Variants in ADI1 observed in about 807,000 individuals in gnomAD.
ADI1 encodes acireductone dioxygenase 1.
A neutral mutation model predicts 18.7 loss-of-function variants in ADI1; 21 were observed. The ratio of observed to expected loss-of-function variants is 1.13; its 90% CI spans 0.80 to 1.62. ADI1 has a LOEUF of 1.62. Among genes scored for constraint, ADI1 ranks in the 40% most tolerant of loss-of-function variants. ADI1 has a pLI of 0.00. For missense variants in ADI1, 245 were observed against 254.9 expected, an observed-to-expected ratio of 0.96 and a Z score of 0.26; for synonymous variants, 90 against 100.1, an observed-to-expected ratio of 0.90 and a Z score of 0.60.
rs1667184255 is a variant in ADI1 at position 3,506,729 on chromosome 2, A to C, written c.241-5736T>G. On this transcript the variant is annotated intron_variant, in intron 2 of 3. Transcript: ENST00000327435. Reference sequence around the variant, plus strand: ...TTATCTGGAGAGGCACAAGACCCAGAATACCCAACACAATATTGAAGAAGA... The same window carrying C: ...TTATCTGGAGAGGCACAAGACCCAGCATACCCAACACAATATTGAAGAAGA... 2.0e-5 allele frequency among the ~76,000 whole-genome samples: 3 copies of C among 152,256 alleles called. No homozygotes were observed. The South Asian group carries it at 6.2e-4, about 32-fold the overall frequency.
At chr2:3,514,877 G>A (rs1460779966) in intron 1 of ADI1, 1 of 1,544,966 alleles carries the variant, frequency 6.5e-7, no homozygotes, top group Admixed American at 2.0e-5. Flanking sequence ...AGCCATGGCA[G>A]AGGAACATAA....
chr2:3,512,900 G>A (rs1352155358), intron 2 of ADI1, among the ~76,000 whole-genome samples: 1 of 152,236 alleles, frequency 6.6e-6, no homozygotes, highest in Admixed American at 6.5e-5. Flanking sequence ...CATCCCATGA[G>A]AGCAACCTCA....
In ADI1 at chr2:3,500,660, G is replaced by A. The variant is rs143207900; in HGVS notation, c.420+154C>T. The A allele has an allele frequency of 1.4e-3, 1,419 of 1,003,352 alleles. 14 individuals are homozygous for A. In the African/African-American group the frequency reaches 0.018, roughly 13 times the overall value. The allele number at this position is 1,003,352 out of a possible 1,614,324, so 62.2% of individuals were successfully genotyped here. A position where few individuals can be genotyped will look rare whatever the true frequency, so the allele number is the denominator to read the frequency against. On this transcript the variant is annotated intron_variant, in intron 3 of 3. Coordinates refer to ENST00000327435, the MANE Select transcript of ADI1 (RefSeq NM_018269.4). ...AGCTGTCACCTCGGACATCGCCTGC[G>A]GCTCCACAGACTCTCCTTGAAGCAC...
intron 2 of ADI1, among the ~76,000 whole-genome samples, chr2:3,502,054 T>C (rs1667035379): frequency 6.9e-6 from 1 of 145,482 alleles, no homozygotes; most frequent in Non-Finnish European, 1.5e-5. Context: ...GAGACAGGGT[T>C]TCACTCTGTT....
In ADI1 at chr2:3,498,891, G is replaced by C. The variant is rs1325769705; in HGVS notation, c.*72C>G. On this transcript the variant is annotated 3_prime_UTR_variant, in exon 4 of 4. Transcript: ENST00000327435. Reference sequence around the variant, plus strand: ...GCTATCCTCTAAAAGCAAAGAGAAAGTGATTGATTTTCTGCTCAGTCATTA... The same window carrying C: ...GCTATCCTCTAAAAGCAAAGAGAAACTGATTGATTTTCTGCTCAGTCATTA... 3.3e-6 allele frequency: 5 copies of C among 1,527,504 alleles called. No individual in the cohort carries two copies. The East Asian group carries it at 1.2e-4, about 35-fold the overall frequency. The allele number at this position is 1,527,504 out of a possible 1,614,324, so 94.6% of individuals were successfully genotyped here. A position where few individuals can be genotyped will look rare whatever the true frequency, so the allele number is the denominator to read the frequency against.
chr2:3,516,635 T>TA lies in ADI1; in HGVS notation c.121-2660dup, dbSNP rs542438657. ...CCTTAATCTTGGACTTCTTAGCCTC[T>TA]AGAACTATAAGAATTCTATAAATTG... is the stretch of plus-strand genomic sequence containing the variant. On this transcript the variant is annotated intron_variant, in intron 1 of 3. Transcript: ENST00000327435. The TA allele has an allele frequency of 2.3e-4, 182 of 784,912 alleles. 1 individual carries two copies. In the African/African-American group the frequency reaches 3.0e-3, roughly 13 times the overall value. The allele number at this position is 784,912 out of a possible 1,614,324, so 48.6% of individuals were successfully genotyped here.
chr2:3,509,118 C>A (rs1322432056), intron 2 of ADI1, among the ~76,000 whole-genome samples: 2 of 152,100 alleles, frequency 1.3e-5, no homozygotes, highest in Non-Finnish European at 2.9e-5. Flanking sequence ...ATGGGTCAAT[C>A]TTCCAAGGGA....
chr2:3,514,072 A>G, intron 1 of ADI1, 96 bp from the exon 2 acceptor site: 1 of 1,404,986 alleles, frequency 7.1e-7, no homozygotes, highest in Non-Finnish European at 9.5e-7. Flanking sequence ...TTATACTCCA[A>G]ATTTATCATT....
At chr2:3,504,303 A>G (rs1240941921) in intron 2 of ADI1, among the ~76,000 whole-genome samples, 1 of 152,262 alleles carries the variant, frequency 6.6e-6, no homozygotes, top group Non-Finnish European at 1.5e-5. Context: ...TAGAAAAACA[A>G]AGAATAAGCC....
In ADI1 at chr2:3,500,585, C is replaced by T. The variant is rs115172755; in HGVS notation, c.420+229G>A. On this transcript the variant is annotated intron_variant, in intron 3 of 3. Transcript: ENST00000327435. ...CCCCGCCTGGGTATGAAATGCACAC[C>T]TGTCCACCAGGATCGCAGGCAGGGG... 2,332 of 626,124 alleles carry T rather than the reference C, an allele frequency of 3.7e-3. 39 individuals carry two copies. The African/African-American group carries it at 0.039, about 10-fold the overall frequency. The allele number at this position is 626,124 out of a possible 1,614,324, so 38.8% of individuals were successfully genotyped here. A position where few individuals can be genotyped will look rare whatever the true frequency, so the allele number is the denominator to read the frequency against.
chr2:3,506,834 A>G (rs935802521), intron 2 of ADI1, among the ~76,000 whole-genome samples: 11 of 152,250 alleles, frequency 7.2e-5, no homozygotes, highest in African/African-American at 2.4e-4. Context: ...CACTGGTGAA[A>G]TAGTAGAAAA....
chr2:3,519,094 G>A (rs973157256), intron 1 of ADI1, among the ~76,000 whole-genome samples: 2 of 149,966 alleles, frequency 1.3e-5, no homozygotes, highest in South Asian at 4.2e-4. Context: ...ACAGGCGCTG[G>A]GGGCTGACCG....
chr2:3,504,938 CTGTG>C (rs571138395), intron 2 of ADI1, among the ~76,000 whole-genome samples: 7 of 151,810 alleles, frequency 4.6e-5, no homozygotes, highest in Admixed American at 4.6e-4. Context: ...GTCAGTTCAC[CTGTG>C]TATGTTTGTA....
intron 2 of ADI1, among the ~76,000 whole-genome samples, chr2:3,507,173 A>G (rs935854382): frequency 2.0e-5 from 3 of 152,244 alleles, no homozygotes; most frequent in South Asian, 2.1e-4. Flanking sequence ...GGGGGAGAAC[A>G]AAATAGCCCT....
intron 2 of ADI1, 102 bp downstream of exon 2, chr2:3,513,755 T>C: frequency 8.0e-7 from 1 of 1,246,274 alleles, no homozygotes; most frequent in Non-Finnish European, 1.1e-6. Context: ...AAAGCAAGAA[T>C]GGCCTCATAC....
chr2:3,514,015 A>G, intron 1 of ADI1, 39 bp from the exon 2 acceptor site: 1 of 1,562,710 alleles, frequency 6.4e-7, no homozygotes, highest in Non-Finnish European at 8.6e-7. Flanking sequence ...AGCTCAGATT[A>G]ACAAGGAGAT....
chr2:3,515,825 C>G lies in ADI1; in HGVS notation c.121-1849G>C, dbSNP rs1572240121. On this transcript the variant is annotated intron_variant, in intron 1 of 3. Coordinates refer to ENST00000327435, the MANE Select transcript of ADI1 (RefSeq NM_018269.4). ...AAATTCCTCTCTTTATACTGTCTCT[C>G]TTTATTTCTCAGCTGGCCGACACTT... 4.6e-6 allele frequency: 4 copies of G among 875,780 alleles called. No individual in the cohort carries two copies. The East Asian group carries it at 4.8e-4, about 106-fold the overall frequency. The allele number at this position is 875,780 out of a possible 1,614,324, so 54.3% of individuals were successfully genotyped here. A position where few individuals can be genotyped will look rare whatever the true frequency, so the allele number is the denominator to read the frequency against.
intron 1 of ADI1, among the ~76,000 whole-genome samples, chr2:3,518,829 C>T (rs931919981): frequency 6.6e-6 from 1 of 152,230 alleles, no homozygotes; most frequent in Non-Finnish European, 1.5e-5. Flanking sequence ...AGCCCGCCTC[C>T]GGCGAATCTT....
Position 3,502,739 on chromosome 2 carries a change from C to T in ADI1, c.241-1746G>A, listed in dbSNP as rs143730155. ...TGCTAGGATTACAGGCGTGAGCCAC[C>T]GCACACGGCGACAAACGGAAATAAC... On this transcript the variant is annotated intron_variant, in intron 2 of 3. Transcript: ENST00000327435. Among the ~76,000 whole-genome samples, 11 of 152,186 alleles carry T rather than the reference C, an allele frequency of 7.2e-5. No individual in the cohort carries two copies. The East Asian group carries it at 1.5e-3, about 21-fold the overall frequency.
Sources: allele counts gnomAD v4.1 joint callset (sites outside exome capture counted in the v4.1 genomes callset), GRCh38; gene constraint gnomAD v4.1.1; transcripts MANE v1.5; gene names NCBI Gene and HGNC (gene_info 2026-07-23, HGNC 2026-07-21).